Variants in P4HA1 observed in about 807,000 individuals in gnomAD.
P4HA1 encodes prolyl 4-hydroxylase subunit alpha 1.
A neutral mutation model predicts 72.8 loss-of-function variants in P4HA1; 24 were observed. The observed-to-expected ratio is 0.33, with a 90% CI of 0.24 to 0.46. The LOEUF (loss-of-function observed/expected upper bound fraction) is 0.46, where lower values mean the gene tolerates loss of function less well. Among genes scored for constraint, P4HA1 ranks in the 20% least tolerant of loss-of-function variants. The probability of loss-of-function intolerance (pLI) is 1.00; values close to 1 mark genes in which losing one functional copy is unlikely to be tolerated. For missense variants in P4HA1, 446 were observed against 640.6 expected (o/e 0.70, Z 3.28); for synonymous variants, 201 against 218.8 (o/e 0.92, Z 0.72).
At chr10:73,080,987 C>G (rs901628537) in intron 1 of P4HA1, among the ~76,000 whole-genome samples, 13 of 152,268 alleles carry the variant, frequency 8.5e-5, no homozygotes, top group Non-Finnish European at 1.6e-4. Flanking sequence ...ATTTATTCTA[C>G]CTTCATTCAG....
chr10:73,093,786 T>G (rs1292872297), intron 1 of P4HA1, among the ~76,000 whole-genome samples: 1 of 130,288 alleles, frequency 7.7e-6, no homozygotes, highest in Non-Finnish European at 1.6e-5. Flanking sequence ...GAGCTTGCAG[T>G]GGGCCGAGAT....
intron 9 of P4HA1, among the ~76,000 whole-genome samples, chr10:73,034,944 T>TAA (rs1320646126): frequency 3.3e-5 from 5 of 152,184 alleles, no homozygotes; most frequent in South Asian, 2.1e-4. Flanking sequence ...TTTCCTTTTT[T>TAA]AAGGCTGAAT....
chr10:73,063,816 T>A (rs1841363699), intron 5 of P4HA1, among the ~76,000 whole-genome samples: 1 of 152,216 alleles, frequency 6.6e-6, no homozygotes, highest in Admixed American at 6.5e-5. Flanking sequence ...TACTTACTGA[T>A]CTATTAACAA....
intron 1 of P4HA1, among the ~76,000 whole-genome samples, chr10:73,082,783 A>T (rs1351153187): frequency 6.6e-6 from 1 of 152,150 alleles, no homozygotes; most frequent in Admixed American, 6.5e-5. Context: ...TGTTTCTGAC[A>T]GTTTTCATGG....
In P4HA1 at chr10:73,054,398, C is replaced by A. The variant is rs181608573; in HGVS notation, c.464-808G>T. On this transcript the variant is annotated intron_variant, in intron 5 of 14. Coordinates refer to ENST00000394890, the MANE Select transcript of P4HA1 (RefSeq NM_001017962.3). ...TATTTACAGAGTAGAGCAACCATCA[C>A]CACAATCTAATTTTAGAACATTTTC... is the stretch of plus-strand genomic sequence containing the variant. 2.6e-3 allele frequency among the ~76,000 whole-genome samples: 397 copies of A among 152,274 alleles called. 1 individual carries two copies. Among genetic ancestry groups the A allele is most frequent in the Non-Finnish European group, 4.8e-3 (326 of 68,026 alleles).
chr10:73,041,528 GCAAGACTCCATCCCC>G (rs1840733533), intron 9 of P4HA1, among the ~76,000 whole-genome samples: 1 of 144,248 alleles, frequency 6.9e-6, no homozygotes, highest in Non-Finnish European at 1.5e-5. Flanking sequence ...GGGCGACAGA[GCAAGACTCCATCCCC>G]CCCCCAAAAA....
chr10:73,078,079 A>C (rs1841742061), intron 1 of P4HA1, among the ~76,000 whole-genome samples: 1 of 151,486 alleles, frequency 6.6e-6, no homozygotes, highest in African/African-American at 2.4e-5. Flanking sequence ...AAAAAAAAAA[A>C]AAAAAAAACC....
intron 9 of P4HA1, among the ~76,000 whole-genome samples, chr10:73,044,119 G>A (rs987651686): frequency 3.9e-5 from 6 of 152,156 alleles, no homozygotes; most frequent in African/African-American, 1.4e-4. Context: ...AAAAGTGGCA[G>A]TAAGAACAGC....
chr10:73,012,382 T>C (rs554353208), intron 12 of P4HA1, among the ~76,000 whole-genome samples: 3 of 152,336 alleles, frequency 2.0e-5, no homozygotes, highest in Non-Finnish European at 4.4e-5. Context: ...GGATATAAAC[T>C]GGTACAACCT....
intron 1 of P4HA1, among the ~76,000 whole-genome samples, chr10:73,083,859 C>CA (rs1175141252): frequency 6.6e-6 from 1 of 151,992 alleles, no homozygotes; most frequent in Non-Finnish European, 1.5e-5. Flanking sequence ...TAAAAGAACT[C>CA]AAAAAAATGT....
chr10:73,085,861 C>A (rs578094993), intron 1 of P4HA1, among the ~76,000 whole-genome samples: 4 of 152,292 alleles, frequency 2.6e-5, no homozygotes, highest in Non-Finnish European at 4.4e-5. Context: ...GGTACAGTGG[C>A]ATACGCCTGT....
chr10:73,009,784 C>T (rs201334110), intron 14 of P4HA1, 23 bp downstream of exon 14: 27 of 1,321,596 alleles, frequency 2.0e-5, no homozygotes, highest in African/African-American at 1.4e-4. Flanking sequence ...ACATTATCTT[C>T]GCAGAATATA....
intron 10 of P4HA1, among the ~76,000 whole-genome samples, chr10:73,027,867 A>G: frequency 1.0e-5 from 1 of 100,430 alleles, no homozygotes; most frequent in Admixed American, 1.2e-4. Flanking sequence ...GGAGGGAGGG[A>G]GAGAGGGAGG....
At chr10:73,014,316 A>G in intron 11 of P4HA1, 27 bp from the exon 12 acceptor site, 1 of 1,555,236 alleles carries the variant, frequency 6.4e-7, no homozygotes, top group Non-Finnish European at 8.9e-7. Flanking sequence ...AGTAAATTCA[A>G]TGGTGTAAAA....
At chr10:73,047,549 C>CAAAA (rs1167975608) in intron 7 of P4HA1, among the ~76,000 whole-genome samples, 5 of 59,086 alleles carry the variant, frequency 8.5e-5, no homozygotes, top group Non-Finnish European at 1.7e-4. Context: ...ATGCTTGTGG[C>CAAAA]AAAAAAAAAA....
At position 73,044,995 on chromosome 10, in the gene P4HA1, G is replaced by C. The variant is rs755063809; in HGVS notation, c.1134C>G (p.Tyr378Ter). 1 of 1,613,138 alleles carries C rather than the reference G, an allele frequency of 6.2e-7. No individual in the cohort carries two copies. Among genetic ancestry groups the C allele is most frequent in the Non-Finnish European group, 8.5e-7 (1 of 1,179,278 alleles). ...PITGDLETVH[Y>*]RISKSAWLSG... The stretch of plus-strand genomic sequence containing the variant: ...ACATCTCTTACCTTTTGCTAATTCT[G>C]TAATGTACCGTCTCCAAGTCTCCTG... Residue 378 changes from tyrosine to a stop codon, truncating the protein, a stop_gained, in exon 9 of 15, where the codon TAC (tyrosine) becomes TAG (stop). Coordinates refer to ENST00000394890, the MANE Select transcript of P4HA1 (RefSeq NM_001017962.3). LOFTEE classifies it high-confidence loss of function.
At chr10:73,054,913 T>C (rs1196939069) in intron 5 of P4HA1, among the ~76,000 whole-genome samples, 2 of 152,170 alleles carry the variant, frequency 1.3e-5, no homozygotes, top group Non-Finnish European at 2.9e-5. Flanking sequence ...AAATACCTTT[T>C]CAAAGCTTTT....
At chr10:73,096,594 G>A (rs963537739) in intron 1 of P4HA1, among the ~76,000 whole-genome samples, 172 bp downstream of exon 1, 50 of 152,186 alleles carry the variant, frequency 3.3e-4, no homozygotes, top group Non-Finnish European at 6.0e-4. Flanking sequence ...GCGTGGCGCA[G>A]GGAGAGGGGC....
chr10:73,043,229 A>G (rs1017710864), intron 9 of P4HA1, among the ~76,000 whole-genome samples: 1 of 152,174 alleles, frequency 6.6e-6, no homozygotes, highest in Non-Finnish European at 1.5e-5. Context: ...TGTTTGTTAT[A>G]TTTCATTAGT....
Sources: allele counts gnomAD v4.1 joint callset (sites outside exome capture counted in the v4.1 genomes callset), GRCh38; gene constraint gnomAD v4.1.1; transcripts MANE v1.5; gene names NCBI Gene and HGNC (gene_info 2026-07-23, HGNC 2026-07-21).